The following B3GALT1 variants were observed in gnomAD, a reference collection of about 807,000 sequenced individuals.
B3GALT1 encodes the protein UDP-Gal:betaGlcNAc beta 1,3-galactosyltransferase, polypeptide 1.
In B3GALT1, 10 loss-of-function variants were observed where a neutral mutation model predicts 23.2. The observed-to-expected ratio is 0.43, with a 90% CI of 0.27 to 0.73. The LOEUF is 0.73. B3GALT1 is among the 30% of genes least tolerant of loss of function. B3GALT1 has a pLI of 0.21. For missense variants in B3GALT1, 299 were observed against 405.4 expected (o/e 0.74, Z 2.25); for synonymous variants, 156 against 141.5 (o/e 1.10, Z -0.73).
chr2:167,658,220 A>G (rs1685989800), intron 3 of B3GALT1, among the ~76,000 whole-genome samples: 1 of 152,104 alleles, frequency 6.6e-6, no homozygotes, highest in Admixed American at 6.6e-5. Context: ...TATAAACACA[A>G]TTAAAAACCT....
chr2:167,352,380 G>A lies in B3GALT1; in HGVS notation c.-511+59046G>A, dbSNP rs111967581. 2.0e-5 allele frequency among the ~76,000 whole-genome samples: 3 copies of A among 150,778 alleles called. 1 individual carries two copies. The highest frequency in any genetic ancestry group is 7.3e-5 in the African/African-American group (3 of 41,014). On this transcript the variant is annotated intron_variant, in intron 1 of 4. Transcript: ENST00000392690. ...TTTCTACATTTGACATAGACCTGTC[G>A]ATAGAGTTTGTGTAAGTATATTGGG...
At position 167,639,209 on chromosome 2, in the gene B3GALT1, C is replaced by T. The variant is rs184988528; in HGVS notation, c.-409-7700C>T. Among the ~76,000 whole-genome samples the T allele has an allele frequency of 2.2e-3, 338 of 152,024 alleles. 7 individuals carry two copies. Among genetic ancestry groups the T allele is most frequent in the Non-Finnish European group, 5.6e-4 (38 of 67,956 alleles). ...TTACACATTATAAACCAGCATGGGT[C>T]GTTAAGACATAGAAAGTTACATAGT... On this transcript the variant is annotated intron_variant, in intron 2 of 4. Transcript: ENST00000392690.
intron 1 of B3GALT1, among the ~76,000 whole-genome samples, chr2:167,324,050 T>A (rs1477714898): frequency 6.6e-6 from 1 of 152,026 alleles, no homozygotes; most frequent in African/African-American, 2.4e-5. Flanking sequence ...CTTGGTGCTG[T>A]GGGCTCACAT....
rs961712885 is a variant in B3GALT1, at chr2:167,873,485, C to T, written c.*3465C>T. On this transcript the variant is annotated 3_prime_UTR_variant, in exon 5 of 5. Coordinates refer to ENST00000392690, the MANE Select transcript of B3GALT1 (RefSeq NM_020981.4). ...AAGAAGTTTTTCGATCAAATCTCTTCTATCAAAAGACAATGGAATATTTAC... is the reference window on the plus strand; with the variant it reads ...AAGAAGTTTTTCGATCAAATCTCTTTTATCAAAAGACAATGGAATATTTAC... 4.6e-5 allele frequency: 7 copies of T among 152,146 alleles called. No individual in the cohort carries two copies. Among genetic ancestry groups the T allele is most frequent in the African/African-American group, 1.4e-4 (6 of 41,450 alleles). 9.4% of individuals were successfully genotyped at this position (152,146 alleles called of 1,614,324 possible). A position where few individuals can be genotyped will look rare whatever the true frequency, so the allele number is the denominator to read the frequency against.
intron 1 of B3GALT1, among the ~76,000 whole-genome samples, chr2:167,378,040 G>A (rs533468943): frequency 6.6e-6 from 1 of 152,270 alleles, no homozygotes; most frequent in East Asian, 1.9e-4. Flanking sequence ...GTTAGCACTT[G>A]CTTGACTGGA....
intron 3 of B3GALT1, among the ~76,000 whole-genome samples, chr2:167,705,417 A>G (rs1035233318): frequency 6.6e-6 from 1 of 152,226 alleles, no homozygotes; most frequent in Non-Finnish European, 1.5e-5. Flanking sequence ...GGCAGACTTA[A>G]TCAATGACAA....
chr2:167,377,697 T>G (rs915856309), intron 1 of B3GALT1, among the ~76,000 whole-genome samples: 1 of 152,066 alleles, frequency 6.6e-6, no homozygotes, highest in African/African-American at 2.4e-5. Flanking sequence ...AGCCCTTTAC[T>G]TTGAACCTAT....
At chr2:167,378,105 T>C (rs1697792779) in intron 1 of B3GALT1, among the ~76,000 whole-genome samples, 1 of 152,216 alleles carries the variant, frequency 6.6e-6, no homozygotes, top group South Asian at 2.1e-4. Flanking sequence ...GATATGAAGT[T>C]CTTCGTTGGA....
At chr2:167,411,371 A>C (rs986548340) in intron 1 of B3GALT1, among the ~76,000 whole-genome samples, 2 of 31,216 alleles carry the variant, frequency 6.4e-5, no homozygotes, top group Admixed American at 1.0e-3. Flanking sequence ...AATAGCAAAC[A>C]AAAAACCAAA....
intron 1 of B3GALT1, among the ~76,000 whole-genome samples, chr2:167,358,935 G>A (rs1697458880): frequency 6.6e-6 from 1 of 152,050 alleles, no homozygotes; most frequent in Non-Finnish European, 1.5e-5. Flanking sequence ...CCAAGTAGCT[G>A]GGACTACAGG....
Position 167,835,119 on chromosome 2 carries a change from A to C in B3GALT1, c.-230+16326A>C, listed in dbSNP as rs935026212. ...GCATGAGCGACGCAGAAGACGGGTG[A>C]TTTCTGCATTTCCATCTGAGGTACC... is the stretch of plus-strand genomic sequence containing the variant. On this transcript the variant is annotated intron_variant, in intron 4 of 4. Coordinates refer to ENST00000392690, the MANE Select transcript of B3GALT1 (RefSeq NM_020981.4). 1.4e-4 allele frequency among the ~76,000 whole-genome samples: 22 copies of C among 152,264 alleles called. No homozygotes were observed. In the Middle Eastern group the frequency reaches 0.017, roughly 118 times the overall value.
intron 4 of B3GALT1, among the ~76,000 whole-genome samples, chr2:167,828,922 T>C (rs540180195): frequency 1.3e-5 from 2 of 152,334 alleles, no homozygotes; most frequent in South Asian, 4.1e-4. Context: ...ATTTCAGTAC[T>C]TGGTGACTGT....
intron 3 of B3GALT1, among the ~76,000 whole-genome samples, chr2:167,798,151 A>G (rs1419905049): frequency 6.6e-6 from 1 of 152,154 alleles, no homozygotes; most frequent in African/African-American, 2.4e-5. Flanking sequence ...TTTATCTTGT[A>G]AATTTCTTTA....
chr2:167,694,668 C>T (rs529808154), intron 3 of B3GALT1, among the ~76,000 whole-genome samples: 8 of 152,108 alleles, frequency 5.3e-5, no homozygotes, highest in Non-Finnish European at 1.2e-4. Flanking sequence ...AGCTGCATGA[C>T]TTTCCAAGGT....
chr2:167,407,834 G>A (rs1385361960), intron 1 of B3GALT1, among the ~76,000 whole-genome samples: 1 of 152,162 alleles, frequency 6.6e-6, no homozygotes, highest in East Asian at 1.9e-4. Flanking sequence ...AAGCCATAAT[G>A]TAAAGATTCT....
intron 1 of B3GALT1, among the ~76,000 whole-genome samples, chr2:167,360,980 T>C (rs1697490840): frequency 6.6e-6 from 1 of 152,178 alleles, no homozygotes; most frequent in Non-Finnish European, 1.5e-5. Context: ...ACCTGGCTTA[T>C]TTCACTTAAC....
chr2:167,330,951 G>A (rs1696962818), intron 1 of B3GALT1, among the ~76,000 whole-genome samples: 1 of 151,852 alleles, frequency 6.6e-6, no homozygotes, highest in Non-Finnish European at 1.5e-5. Context: ...CATCTAGTGT[G>A]ACAGTGTTTT....
At chr2:167,699,645 A>T (rs569767198) in intron 3 of B3GALT1, among the ~76,000 whole-genome samples, 2 of 152,324 alleles carry the variant, frequency 1.3e-5, no homozygotes, top group South Asian at 4.1e-4. Context: ...TCAGTCATCA[A>T]TAAAATGTTA....
At chr2:167,534,344 A>T (rs1029334505) in intron 2 of B3GALT1, among the ~76,000 whole-genome samples, 1 of 151,890 alleles carries the variant, frequency 6.6e-6, no homozygotes, top group African/African-American at 2.4e-5. Flanking sequence ...TACAGTAGGT[A>T]ATTTCTTCAT....
Sources: gnomAD v4.1 joint callset for allele counts (sites outside exome capture counted in the v4.1 genomes callset) on GRCh38, gnomAD v4.1.1 for gene constraint, MANE v1.5 for transcripts, NCBI Gene and HGNC (gene_info 2026-07-23, HGNC 2026-07-21) for gene names.